Variants in TBC1D2B observed in about 807,000 individuals in gnomAD.
TBC1D2B encodes TBC1 domain family, member 2B.
TBC1D2B carries 64 observed loss-of-function variants against 100.8 expected under a neutral mutation model. The observed-to-expected ratio is 0.64, with a 90% confidence interval of 0.52 to 0.78. TBC1D2B has a LOEUF of 0.78. Among genes scored for constraint, TBC1D2B ranks in the 30% least tolerant of loss-of-function variants. TBC1D2B has a pLI of 0.00. For synonymous variants in TBC1D2B, 480 were observed against 479.7 expected (o/e 1.00, Z -0.01); for missense variants, 1,052 against 1,218.4 (o/e 0.86, Z 2.03).
chr15:78,017,958 C>A lies in TBC1D2B; in HGVS notation c.1471-1G>T. 6.5e-7 allele frequency: 1 copy of A among 1,534,840 alleles called. No homozygotes were observed. The highest frequency in any genetic ancestry group is 8.9e-7 in the Non-Finnish European group (1 of 1,129,118). On this transcript the variant is annotated splice_acceptor_variant, in intron 6 of 12. Coordinates refer to ENST00000300584, the MANE Select transcript of TBC1D2B (RefSeq NM_144572.2). LOFTEE classifies it high-confidence loss of function. The stretch of plus-strand genomic sequence containing the variant: ...GGGTTTTGTACCCCTGTAGATTATC[C>A]TGTTAGAAAAAAAAAAAATCCCTGA...
intron 10 of TBC1D2B, among the ~76,000 whole-genome samples, chr15:78,005,073 G>A (rs1439446896): frequency 6.6e-6 from 1 of 152,118 alleles, no homozygotes; most frequent in African/African-American, 2.4e-5. Flanking sequence ...CAAGAGGGAG[G>A]GGCATATCAG....
intron 3 of TBC1D2B, among the ~76,000 whole-genome samples, chr15:78,040,872 AAGAAAGAAAGAGAG>A (rs1410095604): frequency 4.1e-5 from 6 of 145,252 alleles, no homozygotes; most frequent in African/African-American, 1.6e-4. Context: ...GAAAGAAAGA[AAGAAAGAAAGAGAG>A]AGAGAGAGAA....
chr15:78,066,507 T>C (rs1398479104), intron 1 of TBC1D2B, among the ~76,000 whole-genome samples: 1 of 152,200 alleles, frequency 6.6e-6, no homozygotes, highest in African/African-American at 2.4e-5. Flanking sequence ...AGGCCCACTC[T>C]GGCCTGCCAA....
intron 1 of TBC1D2B, among the ~76,000 whole-genome samples, chr15:78,061,508 A>C (rs2141826783): frequency 6.6e-6 from 1 of 151,516 alleles, no homozygotes; most frequent in East Asian, 1.9e-4. Flanking sequence ...AGGAGGTTGA[A>C]GCTGCAGTGA....
intron 5 of TBC1D2B, among the ~76,000 whole-genome samples, chr15:78,024,886 T>C (rs948369130): frequency 2.6e-5 from 4 of 152,224 alleles, no homozygotes; most frequent in African/African-American, 9.7e-5. Context: ...ATCTGATTAG[T>C]TCAAGAAACC....
Position 78,073,831 on chromosome 15 carries a change from G to A in TBC1D2B, c.360+3462C>T, listed in dbSNP as rs577785965. 1.0e-3 allele frequency among the ~76,000 whole-genome samples: 156 copies of A among 151,854 alleles called. No individual in the cohort carries two copies. In the Middle Eastern group the frequency reaches 0.014, roughly 13 times the overall value. The stretch of plus-strand genomic sequence containing the variant: ...CTAAAAATACAAAAATTAGCTGGGA[G>A]CGGTGGCACGCGCCTATAGTCCCTC... On this transcript the variant is annotated intron_variant, in intron 1 of 12. Transcript: ENST00000300584.
chr15:78,061,199 G>A (rs2073537478), intron 1 of TBC1D2B, among the ~76,000 whole-genome samples: 1 of 151,614 alleles, frequency 6.6e-6, no homozygotes, highest in Admixed American at 6.6e-5. Context: ...AGCCAAGATT[G>A]TGCCATTGCA....
chr15:78,051,418 C>T (rs1392037382), intron 2 of TBC1D2B, among the ~76,000 whole-genome samples: 1 of 152,178 alleles, frequency 6.6e-6, no homozygotes, highest in African/African-American at 2.4e-5. Context: ...CTACAGGATA[C>T]GTGACTTACT....
chr15:78,058,541 G>A (rs1035445628), intron 1 of TBC1D2B, among the ~76,000 whole-genome samples: 5 of 152,242 alleles, frequency 3.3e-5, no homozygotes, highest in Admixed American at 2.6e-4. Context: ...GGACCTTTGA[G>A]TGATCTGGCT....
chr15:78,017,925 T>C lies in TBC1D2B; in HGVS notation c.1503A>G (p.Lys501=). 6.2e-7 allele frequency: 1 copy of C among 1,609,212 alleles called. No individual in the cohort carries two copies. The highest frequency in any genetic ancestry group is 8.5e-7 in the Non-Finnish European group (1 of 1,177,464). ...GTTCCAAAATCTCCTTATTTAGAAA[T>C]TTGTTTTGGGTTTTGTACCCCTGTA... ...DNLQGYKTQN[K]FLNKEILELS... Residue 501 remains lysine, a synonymous_variant, in exon 7 of 13, where the codon AAA becomes AAG. Transcript: ENST00000300584.
chr15:78,001,680 G>A lies in TBC1D2B; in HGVS notation c.2635C>T (p.Gln879Ter). The change falls in exon 12 of 13, where the codon CAA (glutamine) becomes TAA (stop). Residue 879 changes from glutamine (Q) to a stop codon, truncating the protein, a stop_gained. Transcript: ENST00000300584. LOFTEE classifies it high-confidence loss of function. ...KYKEEEILKL[Q>*]DSMSIFKYLR... Reference sequence around the variant, plus strand: ...TACTTAAATATAGACATCGAATCTTGCAATTTCAAAATCTCCTCTTCCTTG... The same window carrying A: ...TACTTAAATATAGACATCGAATCTTACAATTTCAAAATCTCCTCTTCCTTG... 1 of 1,608,252 alleles carries A rather than the reference G, an allele frequency of 6.2e-7. No individual in the cohort carries two copies. Among genetic ancestry groups the A allele is most frequent in the Non-Finnish European group, 8.5e-7 (1 of 1,177,256 alleles).
rs1255710829 is a variant in TBC1D2B, at chr15:77,998,154, G to A, written c.*6C>T. 4 of 1,507,822 alleles carry A rather than the reference G, an allele frequency of 2.7e-6. No individual in the cohort carries two copies. The African/African-American group carries it at 4.2e-5, about 16-fold the overall frequency. 93.4% of individuals were successfully genotyped at this position (1,507,822 alleles called of 1,614,324 possible). ...GAAGGAAGGAAGAGCAGCATCCCGAGCCCACTCAGGTATCCTCCTCCTCGT... is the reference window on the plus strand; with the variant it reads ...GAAGGAAGGAAGAGCAGCATCCCGAACCCACTCAGGTATCCTCCTCCTCGT... On this transcript the variant is annotated 3_prime_UTR_variant, in exon 13 of 13. Coordinates refer to ENST00000300584, the MANE Select transcript of TBC1D2B (RefSeq NM_144572.2).
intron 8 of TBC1D2B, 62 bp from the exon 9 acceptor site, chr15:78,013,379 A>G: frequency 6.9e-7 from 1 of 1,446,914 alleles, no homozygotes; most frequent in Non-Finnish European, 9.2e-7. Context: ...AGACCAATGC[A>G]ACAGAAATAG....
In TBC1D2B at chr15:78,077,190, G is replaced by T. The variant is rs140417458; in HGVS notation, c.360+103C>A. ...GAAAGGCAGGCCGACGTGGGCAGGGGCGAGGAGGCCTTGGAGGAAGGAGGG... is the reference window on the plus strand; with the variant it reads ...GAAAGGCAGGCCGACGTGGGCAGGGTCGAGGAGGCCTTGGAGGAAGGAGGG... On this transcript the variant is annotated intron_variant, in intron 1 of 12. Coordinates refer to ENST00000300584, the MANE Select transcript of TBC1D2B (RefSeq NM_144572.2). 3.6e-5 allele frequency: 49 copies of T among 1,361,236 alleles called. No homozygotes were observed. In the East Asian group the frequency reaches 1.2e-3, roughly 34 times the overall value. The allele number at this position is 1,361,236 out of a possible 1,614,324, so 84.3% of individuals were successfully genotyped here.
intron 2 of TBC1D2B, among the ~76,000 whole-genome samples, chr15:78,053,062 A>T (rs2073348761): frequency 6.6e-6 from 1 of 152,220 alleles, no homozygotes; most frequent in South Asian, 2.1e-4. Context: ...TACTGGGACA[A>T]GTAAAAACAA....
At chr15:78,062,737 T>TTA (rs1193363417) in intron 1 of TBC1D2B, among the ~76,000 whole-genome samples, 1 of 152,188 alleles carries the variant, frequency 6.6e-6, no homozygotes, top group East Asian at 1.9e-4. Context: ...ATATAGACTC[T>TTA]TCCATAATAT....
intron 1 of TBC1D2B, among the ~76,000 whole-genome samples, chr15:78,056,090 T>C (rs2073416421): frequency 6.6e-6 from 1 of 152,238 alleles, no homozygotes; most frequent in Non-Finnish European, 1.5e-5. Flanking sequence ...TTCTCTAGCA[T>C]CTAGCTCAGT....
intron 10 of TBC1D2B, among the ~76,000 whole-genome samples, chr15:78,008,405 G>A (rs769309859): frequency 3.9e-5 from 6 of 152,240 alleles, no homozygotes; most frequent in Non-Finnish European, 7.3e-5. Context: ...GCAGCGGCAG[G>A]AATGCAGCCC....
intron 1 of TBC1D2B, among the ~76,000 whole-genome samples, chr15:78,075,187 C>T (rs1368082976): frequency 6.6e-6 from 1 of 151,660 alleles, no homozygotes; most frequent in Non-Finnish European, 1.5e-5. Context: ...TATGTAGATT[C>T]TTATTTATTA....
Sources: allele counts gnomAD v4.1 joint callset (sites outside exome capture counted in the v4.1 genomes callset), GRCh38; gene constraint gnomAD v4.1.1; transcripts MANE v1.5; gene names NCBI Gene and HGNC (gene_info 2026-07-23, HGNC 2026-07-21).